The following PCDHA3 variants were observed in gnomAD, a reference collection of about 807,000 sequenced individuals.
The protein encoded by PCDHA3 is protocadherin alpha 3.
Under a neutral mutation model 62.2 loss-of-function variants are expected in PCDHA3, and 41 were observed. The observed-to-expected ratio is 0.66, with a 90% confidence interval of 0.51 to 0.86. The LOEUF (loss-of-function observed/expected upper bound fraction) is 0.86. Ranked by LOEUF, PCDHA3 falls within the 40% of genes least tolerant of loss-of-function variation. The pLI is 0.00. For missense variants in PCDHA3, 1,304 were observed against 1,241.2 expected, an observed-to-expected ratio of 1.05 and a Z score of -0.76; for synonymous variants, 640 against 555.4, an observed-to-expected ratio of 1.15 and a Z score of -2.14.
At chr5:140,920,011 C>T (rs782647025) in intron 1 of PCDHA3, among the ~76,000 whole-genome samples, 2 of 152,088 alleles carry the variant, frequency 1.3e-5, no homozygotes, top group Non-Finnish European at 2.9e-5. Context: ...AAAGGCCATG[C>T]GAAGATGGAG....
intron 1 of PCDHA3, among the ~76,000 whole-genome samples, chr5:140,837,886 C>T (rs1466183059): frequency 6.6e-6 from 1 of 151,430 alleles, no homozygotes; most frequent in East Asian, 1.9e-4. Context: ...GTCTTGTTTC[C>T]CAGGCTGGTC....
chr5:141,001,842 A>G (rs574186951), intron 3 of PCDHA3, among the ~76,000 whole-genome samples: 108 of 152,288 alleles, frequency 7.1e-4, no homozygotes, highest in Non-Finnish European at 1.3e-3. Context: ...GGAGACAGAG[A>G]GAGAGGTTGA....
rs568088223 is a variant in PCDHA3, at chr5:140,879,577, G to T, written c.2394+75986G>T. ...ATCCATGAAAGAATAAAATTGCCAA[G>T]ACAGACATTGAAAAGTGAAAAACAA... is the stretch of plus-strand genomic sequence containing the variant. On this transcript the variant is annotated intron_variant, in intron 1 of 3. Transcript: ENST00000522353. Among the ~76,000 whole-genome samples, 5 of 152,302 alleles carry T rather than the reference G, an allele frequency of 3.3e-5. No homozygotes were observed. In the South Asian group the frequency reaches 1.0e-3, roughly 32 times the overall value.
At chr5:140,962,405 C>A (rs2095680586) in intron 1 of PCDHA3, among the ~76,000 whole-genome samples, 1 of 152,200 alleles carries the variant, frequency 6.6e-6, no homozygotes, top group South Asian at 2.1e-4. Context: ...TGCCCCAAAC[C>A]TGTCTCTCCC....
At position 140,823,653 on chromosome 5, in the gene PCDHA3, C is replaced by T. The variant is rs2150127949; in HGVS notation, c.2394+20062C>T. 1.9e-6 allele frequency: 3 copies of T among 1,614,026 alleles called. No homozygotes were observed. The Admixed American group carries it at 5.0e-5, about 27-fold the overall frequency. On this transcript the variant is annotated intron_variant, in intron 1 of 3. Transcript: ENST00000522353. ...GCATCCCGTTCCGCGTGGGGCTGTA[C>T]ACAGGCGAGATCAGCACAACACGCT...
At chr5:140,976,666 A>G (rs1260651584) in intron 1 of PCDHA3, among the ~76,000 whole-genome samples, 4 of 152,188 alleles carry the variant, frequency 2.6e-5, no homozygotes, top group African/African-American at 9.6e-5. Flanking sequence ...CAAAGTTCAG[A>G]TGTCTCATTT....
At chr5:140,917,238 G>A (rs144302098) in intron 1 of PCDHA3, among the ~76,000 whole-genome samples, 1 of 150,440 alleles carries the variant, frequency 6.6e-6, no homozygotes, top group Non-Finnish European at 1.5e-5. Flanking sequence ...TTAAATCTAG[G>A]TACTACGATT....
At chr5:140,967,885 A>G in intron 1 of PCDHA3, 1 of 1,614,134 alleles carries the variant, frequency 6.2e-7, no homozygotes, top group South Asian at 1.1e-5. Context: ...TGTATAGCCC[A>G]GTGCCTGAGA....
intron 1 of PCDHA3, chr5:140,968,519 A>G (rs1030847582): frequency 1.2e-6 from 2 of 1,614,008 alleles, no homozygotes; most frequent in South Asian, 1.1e-5. Flanking sequence ...CCCTACCTCA[A>G]CCAACTCGTC....
chr5:140,849,959 C>A (rs527334652), intron 1 of PCDHA3: 1 of 1,597,764 alleles, frequency 6.3e-7, no homozygotes, highest in African/African-American at 1.3e-5. Flanking sequence ...AGGAGAACGC[C>A]CTGGTGTCCT....
chr5:140,883,966 G>A, intron 1 of PCDHA3: 1 of 1,613,094 alleles, frequency 6.2e-7, no homozygotes. Flanking sequence ...CGGCGCTGCT[G>A]ACGCCCGGGG....
At chr5:140,942,332 C>T (rs2093271266) in intron 1 of PCDHA3, among the ~76,000 whole-genome samples, 1 of 151,760 alleles carries the variant, frequency 6.6e-6, no homozygotes, top group Non-Finnish European at 1.5e-5. Flanking sequence ...ATCACTTGAA[C>T]CAGAGGGAGG....
chr5:140,911,885 A>T (rs1242639819), intron 1 of PCDHA3, among the ~76,000 whole-genome samples: 1 of 152,216 alleles, frequency 6.6e-6, no homozygotes, highest in Non-Finnish European at 1.5e-5. Flanking sequence ...TCCTGGGACC[A>T]AAATCTGTAT....
chr5:140,824,401 T>A (rs1459968024), intron 1 of PCDHA3: 3 of 544,498 alleles, frequency 5.5e-6, no homozygotes, highest in Non-Finnish European at 9.7e-6. Context: ...GGATAATAAT[T>A]GTAAGACATA....
rs565071573 is a variant in PCDHA3, at chr5:141,009,664, G to A, written c.2580G>A (p.Ala860=). The A allele has an allele frequency of 2.2e-5, 36 of 1,613,862 alleles. No individual in the cohort carries two copies. The highest frequency in any genetic ancestry group is 5.0e-5 in the Admixed American group (3 of 59,974). The stretch of plus-strand genomic sequence containing the variant: ...GAGAAGTGTCCCCTCCAGTCGGTGC[G>A]GGTGTCAACAGCAACAGCTGGACCT... The part of the protein sequence containing the change: ...EAGEVSPPVG[A]GVNSNSWTFK... Residue 860 remains alanine (A), a synonymous_variant, in exon 4 of 4, where the codon GCG becomes GCA. Transcript: ENST00000522353.
chr5:140,835,776 AAGG>A (rs1266986197), intron 1 of PCDHA3: 2 of 1,613,090 alleles, frequency 1.2e-6, no homozygotes, highest in South Asian at 1.1e-5. Flanking sequence ...GGTGTTCGTG[AAGG>A]AGAACAACCC....
intron 3 of PCDHA3, among the ~76,000 whole-genome samples, chr5:140,994,546 A>T (rs1168797848): frequency 6.6e-6 from 1 of 152,066 alleles, no homozygotes; most frequent in Non-Finnish European, 1.5e-5. Context: ...CTACAAAAAA[A>T]ATATAAAAAT....
rs1762667788 is a variant in PCDHA3, at chr5:140,801,260, C to CG, written c.64dup (p.Ala22GlyfsTer16). Reference sequence around the variant, plus strand: ...GCCTGCTGCTTTCTCTTCTGCTCCTCGCAGCCTCGGAGGTGGGGAGCGGCC... The same window carrying CG: ...GCCTGCTGCTTTCTCTTCTGCTCCTCGGCAGCCTCGGAGGTGGGGAGCGGCC... On this transcript the variant is annotated frameshift_variant, in exon 1 of 4. Coordinates refer to ENST00000522353, the MANE Select transcript of PCDHA3 (RefSeq NM_018906.3). LOFTEE classifies it high-confidence loss of function. The CG allele has an allele frequency of 6.2e-7, 1 of 1,613,750 alleles. No individual in the cohort carries two copies. The highest frequency in any genetic ancestry group is 2.2e-5 in the East Asian group (1 of 44,890).
At chr5:140,807,452 C>A in intron 1 of PCDHA3, 1 of 1,607,216 alleles carries the variant, frequency 6.2e-7, no homozygotes, top group South Asian at 1.1e-5. Flanking sequence ...TGTGAATTCT[C>A]GGATCGACCG....
Sources: allele counts gnomAD v4.1 joint callset (sites outside exome capture counted in the v4.1 genomes callset), GRCh38; gene constraint gnomAD v4.1.1; transcripts MANE v1.5; gene names NCBI Gene and HGNC (gene_info 2026-07-23, HGNC 2026-07-21).